The following GRID2 variants were observed in gnomAD, a reference collection of about 807,000 sequenced individuals.
GRID2 encodes the protein glutamate ionotropic receptor delta type subunit 2, also known as glutamate receptor ionotropic, delta-2.
In GRID2, 33 loss-of-function variants were observed where a neutral mutation model predicts 114.8. The ratio of observed to expected loss-of-function variants is 0.29; its 90% CI spans 0.22 to 0.38. The LOEUF is 0.38. Among genes scored for constraint, GRID2 ranks in the 10% least tolerant of loss-of-function variants. GRID2 has a pLI of 1.00. For synonymous variants in GRID2, 505 were observed against 449.9 expected (o/e 1.12, Z -1.55); for missense variants, 1,184 against 1,257.7 (o/e 0.94, Z 0.89).
At chr4:93,626,954 G>T (rs1439898359) in intron 14 of GRID2, among the ~76,000 whole-genome samples, 1 of 152,134 alleles carries the variant, frequency 6.6e-6, no homozygotes. Flanking sequence ...GTGAGATTTT[G>T]TCATGGAAAT....
chr4:93,148,888 TG>T (rs140017252), intron 4 of GRID2, among the ~76,000 whole-genome samples: 9,659 of 152,272 alleles, frequency 0.063, 391 homozygotes, highest in Middle Eastern at 0.12. Context: ...TTTAGATTCT[TG>T]GAAAAGAATT....
intron 11 of GRID2, among the ~76,000 whole-genome samples, chr4:93,459,104 C>T (rs796848350): frequency 6.7e-6 from 1 of 148,672 alleles, no homozygotes; most frequent in African/African-American, 2.5e-5. Flanking sequence ...TGCTTGAACC[C>T]AGGAGCGGGA....
intron 2 of GRID2, among the ~76,000 whole-genome samples, chr4:92,591,902 A>G (rs1032817772): frequency 6.6e-6 from 1 of 152,130 alleles, no homozygotes; most frequent in East Asian, 1.9e-4. Context: ...ATAAGTAAAC[A>G]TTAATGCAAA....
chr4:93,038,182 T>A lies in GRID2; in HGVS notation c.245-46813T>A, dbSNP rs148840357. ...TTGAAGAGGTCCTTCACATCCCTTG[T>A]AAGTTGTATTTCTAAGTATTTTATT... On this transcript the variant is annotated intron_variant, in intron 2 of 15. Coordinates refer to ENST00000282020, the MANE Select transcript of GRID2 (RefSeq NM_001510.4). Among the ~76,000 whole-genome samples, 5 of 152,276 alleles carry A rather than the reference T, an allele frequency of 3.3e-5. No homozygotes were observed. The East Asian group carries it at 9.7e-4, about 30-fold the overall frequency.
In GRID2 at chr4:92,944,779, C is replaced by T. The variant is rs564060768; in HGVS notation, c.245-140216C>T. ...TAACAGTTATTTTATTTGTAAAACA[C>T]TTTTTTTTCCTATAGTATGTTGGAC... On this transcript the variant is annotated intron_variant, in intron 2 of 15. Coordinates refer to ENST00000282020, the MANE Select transcript of GRID2 (RefSeq NM_001510.4). Among the ~76,000 whole-genome samples, 25 of 152,092 alleles carry T rather than the reference C, an allele frequency of 1.6e-4. No homozygotes were observed. The South Asian group carries it at 5.2e-3, about 32-fold the overall frequency.
At chr4:93,189,773 CCACACACACACACACA>C (rs34137840) in intron 4 of GRID2, among the ~76,000 whole-genome samples, 1,722 of 138,964 alleles carry the variant, frequency 0.012, 17 homozygotes, top group African/African-American at 0.038. Flanking sequence ...CCACACCACA[CCACACACACACACACA>C]CACACACACA....
intron 1 of GRID2, among the ~76,000 whole-genome samples, chr4:92,486,431 T>C (rs1215435414): frequency 6.6e-6 from 1 of 151,826 alleles, no homozygotes; most frequent in Non-Finnish European, 1.5e-5. Flanking sequence ...CTTGAAAGTT[T>C]AACATAACTT....
chr4:93,118,810 G>A (rs1447367207), intron 4 of GRID2, among the ~76,000 whole-genome samples: 1 of 152,170 alleles, frequency 6.6e-6, no homozygotes, highest in Non-Finnish European at 1.5e-5. Flanking sequence ...AGTTCAGCAA[G>A]TGCCTTAAAC....
intron 4 of GRID2, among the ~76,000 whole-genome samples, chr4:93,178,215 T>A (rs1005254744): frequency 3.3e-5 from 5 of 151,932 alleles, no homozygotes; most frequent in Non-Finnish European, 7.4e-5. Context: ...TCTATTCACT[T>A]TTCAACCCAC....
At chr4:93,304,786 A>T (rs1755248469) in intron 8 of GRID2, among the ~76,000 whole-genome samples, 1 of 152,172 alleles carries the variant, frequency 6.6e-6, no homozygotes, top group Non-Finnish European at 1.5e-5. Context: ...AAGGAGTGCA[A>T]CAAATAAAAA....
intron 1 of GRID2, among the ~76,000 whole-genome samples, chr4:92,472,026 C>A (rs1194989092): frequency 1.4e-5 from 1 of 69,830 alleles, no homozygotes. Flanking sequence ...CTCCGCCTCC[C>A]GGGTTCACGC....
intron 2 of GRID2, among the ~76,000 whole-genome samples, chr4:92,959,333 A>C (rs1013534119): frequency 6.6e-6 from 1 of 151,908 alleles, no homozygotes; most frequent in African/African-American, 2.4e-5. Flanking sequence ...AATGTTATAA[A>C]TATCCCTGTA....
chr4:93,030,809 A>T (rs1009612175), intron 2 of GRID2, among the ~76,000 whole-genome samples: 1 of 152,068 alleles, frequency 6.6e-6, no homozygotes, highest in Non-Finnish European at 1.5e-5. Context: ...GAATGGAGAC[A>T]GAGGAAGGGG....
At chr4:92,344,282 A>T (rs897997252) in intron 1 of GRID2, among the ~76,000 whole-genome samples, 1 of 152,140 alleles carries the variant, frequency 6.6e-6, no homozygotes, top group South Asian at 2.1e-4. Context: ...GAAATGTGTT[A>T]TTTGCCCATT....
chr4:92,448,206 C>A (rs1733572315), intron 1 of GRID2, among the ~76,000 whole-genome samples: 1 of 151,822 alleles, frequency 6.6e-6, no homozygotes, highest in South Asian at 2.1e-4. Flanking sequence ...CACTCTGTCA[C>A]CCAGGCTGCC....
intron 1 of GRID2, among the ~76,000 whole-genome samples, chr4:93,806,128 T>G (rs535945909): frequency 3.9e-5 from 6 of 152,172 alleles, no homozygotes; most frequent in Non-Finnish European, 8.8e-5. Flanking sequence ...AAGCGTATAT[T>G]CATATGGGTA....
chr4:92,544,256 A>G (rs1227724266), intron 1 of GRID2, among the ~76,000 whole-genome samples: 1 of 152,148 alleles, frequency 6.6e-6, no homozygotes, highest in Non-Finnish European at 1.5e-5. Flanking sequence ...TTTTCTGAAA[A>G]TGTAACTGTC....
At position 92,590,293 on chromosome 4, in the gene GRID2, T is replaced by C; in HGVS notation, c.244+7T>C. 1 of 1,599,694 alleles carries C rather than the reference T, an allele frequency of 6.3e-7. No homozygotes were observed. The highest frequency in any genetic ancestry group is 8.5e-7 in the Non-Finnish European group (1 of 1,172,932). On this transcript the variant is annotated splice_region_variant and intron_variant, in intron 2 of 15. Coordinates refer to ENST00000282020, the MANE Select transcript of GRID2 (RefSeq NM_001510.4). ...TTCCAAGCAGTTCAAGAAGGTAAGGTCATCAGTATTTATTTTGGTTTTTTG... is the reference window on the plus strand; with the variant it reads ...TTCCAAGCAGTTCAAGAAGGTAAGGCCATCAGTATTTATTTTGGTTTTTTG...
At chr4:92,971,556 C>A (rs533661707) in intron 2 of GRID2, among the ~76,000 whole-genome samples, 5 of 151,992 alleles carry the variant, frequency 3.3e-5, no homozygotes, top group Admixed American at 3.3e-4. Context: ...ATTTAAAATC[C>A]TCTTTTCTAG....
Sources: allele counts gnomAD v4.1 joint callset (sites outside exome capture counted in the v4.1 genomes callset), GRCh38; gene constraint gnomAD v4.1.1; transcripts MANE v1.5; gene names NCBI Gene and HGNC (gene_info 2026-07-23, HGNC 2026-07-21).